DCHS1: variants seen among roughly 807,000 people sequenced by gnomAD.
DCHS1 encodes the protein protocadherin-16.
In DCHS1, 78 loss-of-function variants were observed where a neutral mutation model predicts 213.9. The ratio of observed to expected loss-of-function variants is 0.36; its 90% confidence interval spans 0.30 to 0.44. DCHS1 has a LOEUF of 0.44. Ranked by LOEUF, DCHS1 falls within the 20% of genes least tolerant of loss-of-function variation. The pLI is 1.00. For synonymous variants in DCHS1, 1,828 were observed against 1,873.7 expected (o/e 0.98, Z 0.63); for missense variants, 3,946 against 4,395.9 (o/e 0.90, Z 2.89).
rs746376654 is a variant in DCHS1 at position 6,639,863 on chromosome 11, T to C, written c.1751A>G (p.Asn584Ser). 3.7e-6 allele frequency: 6 copies of C among 1,612,098 alleles called. No homozygotes were observed. The Admixed American group carries it at 6.7e-5, about 18-fold the overall frequency. ...CTGGGTGCCCTCAGGCAGTGAGGCA[T>C]TGTAGAAAGTCCTCTGGAATTGGGG... is the stretch of plus-strand genomic sequence containing the variant. ...NEPQFQRTFY[N>S]ASLPEGTQPG... The change falls in exon 2 of 21, where the codon AAT becomes AGT. Residue 584 changes from asparagine (N) to serine (S), a missense_variant. Physicochemically the swap from Asn to Ser is conservative, Grantham distance 46 (BLOSUM62 1). This residue lies in a region of DCHS1 where 3,384 missense variants were observed against 3,780.1 expected (regional missense o/e 0.90). Transcript: ENST00000299441.
rs1423134722 is a variant in DCHS1, at chr11:6,641,598, C to T, written c.16G>A (p.Gly6Ser). The T allele has an allele frequency of 1.3e-6, 2 of 1,547,494 alleles. No individual in the cohort carries two copies. Among genetic ancestry groups the T allele is most frequent in the Non-Finnish European group, 1.7e-6 (2 of 1,144,776 alleles). The stretch of plus-strand genomic sequence containing the variant: ...ATGCCAGGGCAGGAAGGCACAATGC[C>T]CAGCTCCTTCTGCATGACAAGGGTA... Reference protein sequence around the residue: MQKELGIVPSCPGMKS... With the variant: MQKELSIVPSCPGMKS... The change falls in exon 2 of 21, where the codon GGC becomes AGC. Residue 6 changes from glycine (G) to serine (S), a missense_variant. Around this residue, in one of 3 missense-constraint regions of DCHS1, gnomAD observed 3,384 missense variants for 3,780.1 expected, o/e 0.90. Coordinates refer to ENST00000299441, the MANE Select transcript of DCHS1 (RefSeq NM_003737.4). The surrounding 1 kb of genome is among the most constrained non-coding windows in gnomAD (Gnocchi z 7.1).
chr11:6,633,364 C>T (rs765889952), intron 5 of DCHS1, 48 bp downstream of exon 5: 13 of 1,513,392 alleles, frequency 8.6e-6, no homozygotes, highest in African/African-American at 1.4e-5. Context: ...GAGGGTTATA[C>T]TGGGGTATTT....
chr11:6,626,173 A>G lies in DCHS1; in HGVS notation c.6572T>C (p.Leu2191Pro). 6.2e-7 allele frequency: 1 copy of G among 1,605,800 alleles called. No individual in the cohort carries two copies. ...TCTTTCCATCACACCCCGCACCTGC[A>G]GCAGGGGCCCCTCCAAGGGCCGGGA... ...PESRPLEGPL[L>P]QVEADDLDQG... Residue 2191 changes from leucine to proline, a missense_variant, in exon 16 of 21, where the codon CTG becomes CCG. This residue lies in a region of DCHS1 where 3,384 missense variants were observed against 3,780.1 expected (regional missense o/e 0.90). Transcript: ENST00000299441. This position sits in a 1 kb window ranked among gnomAD's most constrained non-coding sequence, Gnocchi z 5.2.
intron 5 of DCHS1, 131 bp downstream of exon 5, chr11:6,633,281 G>T: frequency 9.3e-7 from 1 of 1,080,532 alleles, no homozygotes; most frequent in Non-Finnish European, 1.3e-6. Flanking sequence ...GAGGTGTTGG[G>T]CATTGGTACA....
Position 6,622,630 on chromosome 11 carries a change from C to T in DCHS1, c.9046G>A (p.Gly3016Arg), listed in dbSNP as rs1039088358. 1.1e-5 allele frequency: 18 copies of T among 1,586,082 alleles called. No individual in the cohort carries two copies. The highest frequency in any genetic ancestry group is 1.5e-5 in the Non-Finnish European group (18 of 1,166,548). ...TLPSYGGPGA[G>R]GPYPRGGSLD... ...GAGCCACCACGGGGGTAGGGTCCTC[C>T]AGCTCCTGGCCCACCATAGCTGGGA... is the stretch of plus-strand genomic sequence containing the variant. The change falls in exon 21 of 21, where the codon GGA becomes AGA. Residue 3016 changes from glycine to arginine, a missense_variant. Transcript: ENST00000299441. This position sits in a 1 kb window ranked among gnomAD's most constrained non-coding sequence, Gnocchi z 5.4.
chr11:6,627,608 G>T lies in DCHS1; in HGVS notation c.5431C>A (p.Arg1811=), dbSNP rs757316767. Residue 1811 remains arginine, a synonymous_variant, in exon 14 of 21, where the codon CGG becomes AGG. Coordinates refer to ENST00000299441, the MANE Select transcript of DCHS1 (RefSeq NM_003737.4). This position sits in a 1 kb window ranked among gnomAD's most constrained non-coding sequence, Gnocchi z 5.4. ...DLASGEFGTM[R]PLDREVEPAF... is the part of the protein sequence containing the mutation. The stretch of plus-strand genomic sequence containing the variant: ...GGCTCCACTTCTCTGTCTAGTGGCC[G>T]CATGGTGCCAAACTCTCCAGAAGCA... 1 of 1,613,082 alleles carries T rather than the reference G, an allele frequency of 6.2e-7. No individual in the cohort carries two copies. The highest frequency in any genetic ancestry group is 1.7e-5 in the Admixed American group (1 of 59,970).
At position 6,626,813 on chromosome 11, in the gene DCHS1, T is replaced by G; in HGVS notation, c.6226A>C (p.Thr2076Pro). 6.2e-7 allele frequency: 1 copy of G among 1,612,910 alleles called. No individual in the cohort carries two copies. Among genetic ancestry groups the G allele is most frequent in the South Asian group, 1.1e-5 (1 of 91,080 alleles). ...CCTGGGGGCGCATTCTCACGAATCGTAGCCTCACTGCTAGCCCGGGGAAAG... is the reference window on the plus strand; with the variant it reads ...CCTGGGGGCGCATTCTCACGAATCGGAGCCTCACTGCTAGCCCGGGGAAAG... ...PRFPRASSEA[T>P]IRENAPPGTP... Residue 2076 changes from threonine (T) to proline (P), a missense_variant, in exon 14 of 21, where the codon ACG becomes CCG. Thr to Pro is a conservative substitution (Grantham distance 38). Coordinates refer to ENST00000299441, the MANE Select transcript of DCHS1 (RefSeq NM_003737.4). The surrounding 1 kb of genome is among the most constrained non-coding windows in gnomAD (Gnocchi z 5.2).
chr11:6,630,078 C>T lies in DCHS1; in HGVS notation c.4716G>A (p.Pro1572=), dbSNP rs768648830. 1.9e-6 allele frequency: 3 copies of T among 1,585,264 alleles called. No individual in the cohort carries two copies. The South Asian group carries it at 3.4e-5, about 18-fold the overall frequency. ...ACACGCGTGCAGCCTCGCCCAGATC[C>T]GGGTCCCGGGCTACCACGTGCAGGG... The part of the protein sequence containing the change: ...PAALHVVARD[P]DLGEAARVSY... Residue 1572 remains proline (P), a synonymous_variant, in exon 10 of 21, where the codon CCG becomes CCA. Transcript: ENST00000299441.
rs1010568905 is a variant in DCHS1 at position 6,626,682 on chromosome 11, AT to A, written c.6251-18del. On this transcript the variant is annotated intron_variant, in intron 14 of 20. Coordinates refer to ENST00000299441, the MANE Select transcript of DCHS1 (RefSeq NM_003737.4). The surrounding 1 kb of genome is among the most constrained non-coding windows in gnomAD (Gnocchi z 5.2). ...TAGGAGTCCCTGCAGAAAGAACGGT[AT>A]TGTTGGACTGTGAGCGCGAGACTGG... is the stretch of plus-strand genomic sequence containing the variant. 2 of 1,613,044 alleles carry A rather than the reference AT, an allele frequency of 1.2e-6. No individual in the cohort carries two copies. Among genetic ancestry groups the A allele is most frequent in the African/African-American group, 2.7e-5 (2 of 74,920 alleles).
At position 6,634,271 on chromosome 11, in the gene DCHS1, G is replaced by T. The variant is rs1855957769; in HGVS notation, c.1833C>A (p.Gly611=). The T allele has an allele frequency of 6.2e-7, 1 of 1,611,150 alleles. No homozygotes were observed. The highest frequency in any genetic ancestry group is 8.5e-7 in the Non-Finnish European group (1 of 1,178,380). The change falls in exon 3 of 21, where the codon GGC becomes GGA. Residue 611 remains glycine, a synonymous_variant. Transcript: ENST00000299441. The stretch of plus-strand genomic sequence containing the variant: ...CAGCACCCAAGGAATAGGAGAGGAG[G>T]CCAAATGGGCCACTATCCGCGTCTG... ...TATDADSGPF[G]LLSYSLGAGL...
chr11:6,633,301 T>C (rs1472464137), intron 5 of DCHS1, 111 bp downstream of exon 5: 1 of 1,221,412 alleles, frequency 8.2e-7, no homozygotes, highest in African/African-American at 1.5e-5. Context: ...AGGAGTGTTT[T>C]ATACTGGGGC....
At position 6,655,721 on chromosome 11, in the gene DCHS1, C is replaced by T; in HGVS notation, c.-279G>A. 1.1e-5 allele frequency: 11 copies of T among 980,612 alleles called. No individual in the cohort carries two copies. Among genetic ancestry groups the T allele is most frequent in the Non-Finnish European group, 1.2e-5 (10 of 827,910 alleles). The allele number at this position is 980,612 out of a possible 1,614,324, so 60.7% of individuals were successfully genotyped here. Reference sequence around the variant, plus strand: ...CCCCTCCGGGCAGCCGCCGTCGGTCCGCGCGCCCTTGGCCGTCGATCGGTC... The same window carrying T: ...CCCCTCCGGGCAGCCGCCGTCGGTCTGCGCGCCCTTGGCCGTCGATCGGTC... On this transcript the variant is annotated 5_prime_UTR_variant, in exon 1 of 21. Transcript: ENST00000299441.
At position 6,632,458 on chromosome 11, in the gene DCHS1, C is replaced by G; in HGVS notation, c.3054G>C (p.Gln1018His). ...GTGCTTGGGCCTGCACTTGCAGGAC[C>G]TGAGTTCCAGCAGTGGTGCCTGAGG... ...DLPSGTTAGT[Q>H]VLQVQAQAPD... Residue 1018 changes from glutamine to histidine, a missense_variant, in exon 6 of 21, where the codon CAG (glutamine) becomes CAC (histidine). Gln to His is a conservative substitution (Grantham distance 24, BLOSUM62 0). This residue lies in a region of DCHS1 where 3,384 missense variants were observed against 3,780.1 expected (regional missense o/e 0.90). Coordinates refer to ENST00000299441, the MANE Select transcript of DCHS1 (RefSeq NM_003737.4). This position sits in a 1 kb window ranked among gnomAD's most constrained non-coding sequence, Gnocchi z 5.9. 2 of 1,596,664 alleles carry G rather than the reference C, an allele frequency of 1.3e-6. No homozygotes were observed. Among genetic ancestry groups the G allele is most frequent in the South Asian group, 1.1e-5 (1 of 89,044 alleles).
chr11:6,629,330 T>C, intron 12 of DCHS1, 122 bp downstream of exon 12: 1 of 1,390,894 alleles, frequency 7.2e-7, no homozygotes, highest in Admixed American at 2.6e-5. Flanking sequence ...TCCAAAAACA[T>C]AACAGGAGCT....
In DCHS1 at chr11:6,622,786, G is replaced by A. The variant is rs771972771; in HGVS notation, c.8890C>T (p.Arg2964Cys). 28 of 1,593,018 alleles carry A rather than the reference G, an allele frequency of 1.8e-5. No homozygotes were observed. In the East Asian group the frequency reaches 2.5e-4, roughly 14 times the overall value. ...AALVLGLVRARSRKAEAAPGP... is the reference protein window; with the variant it reads ...AALVLGLVRACSRKAEAAPGP... ...GGGGCTGCCTCAGCCTTGCGGCTAC[G>A]GGCCCGAACAAGTCCTAGGACCAGG... The change falls in exon 21 of 21, where the codon CGT (arginine) becomes TGT (cysteine). Residue 2964 changes from arginine (R) to cysteine (C), a missense_variant. Around this residue, in one of 3 missense-constraint regions of DCHS1, gnomAD observed 554 missense variants for 590.2 expected, o/e 0.94. Coordinates refer to ENST00000299441, the MANE Select transcript of DCHS1 (RefSeq NM_003737.4). This position sits in a 1 kb window ranked among gnomAD's most constrained non-coding sequence, Gnocchi z 5.4.
chr11:6,635,903 C>A (rs1855979709), intron 2 of DCHS1, among the ~76,000 whole-genome samples: 1 of 152,220 alleles, frequency 6.6e-6, no homozygotes, highest in Admixed American at 6.5e-5. Flanking sequence ...GCCTGTACAA[C>A]CCCTGCTCAG....
rs755453081 is a variant in DCHS1, at chr11:6,621,816, C to A, written c.9860G>T (p.Gly3287Val). The stretch of plus-strand genomic sequence containing the variant: ...CTCCGTGTCATCAGGTGGCTCCAGG[C>A]CAGACTCTGCGCTGAGTGCTGAGGC... ...PSASALSAES[G>V]LEPPDDTELH... The change falls in exon 21 of 21, where the codon GGC (glycine) becomes GTC (valine). Residue 3287 changes from glycine (G) to valine (V), a missense_variant. Physicochemically the swap from Gly to Val is moderately radical, Grantham distance 109. Coordinates refer to ENST00000299441, the MANE Select transcript of DCHS1 (RefSeq NM_003737.4). 1.7e-5 allele frequency: 28 copies of A among 1,604,288 alleles called. No homozygotes were observed. Among genetic ancestry groups the A allele is most frequent in the Non-Finnish European group, 2.4e-5 (28 of 1,175,860 alleles).
Position 6,633,560 on chromosome 11 carries a change from C to A in DCHS1, c.2307G>T (p.Gln769His). ...TGTCCACTCGGGCACTGGGTTCTGC[C>A]TGTAGGCCACCTCCGTCCTCAGCCC... ...EIGAEDGGGL[Q>H]AEPSARVDIS... is the part of the protein sequence containing the mutation. The change falls in exon 5 of 21, where the codon CAG (glutamine) becomes CAT (histidine). Residue 769 changes from glutamine (Q) to histidine (H), a missense_variant. By Grantham distance (24) the Gln-to-His change is conservative. Transcript: ENST00000299441. The A allele has an allele frequency of 6.3e-7, 1 of 1,591,712 alleles. No individual in the cohort carries two copies. The highest frequency in any genetic ancestry group is 8.6e-7 in the Non-Finnish European group (1 of 1,168,972).
In DCHS1 at chr11:6,630,499, T is replaced by A. The variant is rs1855886812; in HGVS notation, c.4295A>T (p.His1432Leu). The change falls in exon 10 of 21, where the codon CAT becomes CTT. Residue 1432 changes from histidine to leucine, a missense_variant. Physicochemically the swap from His to Leu is moderately conservative, Grantham distance 99 (BLOSUM62 -3). Transcript: ENST00000299441. Reference sequence around the variant, plus strand: ...CGGGTCGCGCGCAAAGGCGGGCGCATGCTCATTCTCGTCCTGCACTTGCAC... The same window carrying A: ...CGGGTCGCGCGCAAAGGCGGGCGCAAGCTCATTCTCGTCCTGCACTTGCAC... ...VQVQVQDENE[H>L]APAFARDPLA... 2 of 1,538,012 alleles carry A rather than the reference T, an allele frequency of 1.3e-6. No individual in the cohort carries two copies. The highest frequency in any genetic ancestry group is 1.7e-6 in the Non-Finnish European group (2 of 1,148,788).
Sources: gnomAD v4.1 joint callset for allele counts (sites outside exome capture counted in the v4.1 genomes callset) on GRCh38, gnomAD v4.1.1 for gene constraint, gnomAD v4.1.1 regional missense constraint, Gnocchi (gnomAD v3.1) non-coding constraint, MANE v1.5 for transcripts, NCBI Gene and HGNC (gene_info 2026-07-23, HGNC 2026-07-21) for gene names.